The following ABR variants were observed in gnomAD, a reference collection of about 807,000 sequenced individuals.
The protein encoded by ABR is ABR activator of RhoGEF and GTPase.
In ABR, 35 loss-of-function variants were observed where a neutral mutation model predicts 107.2. The ratio of observed to expected loss-of-function variants is 0.33; its 90% CI spans 0.25 to 0.43. ABR has a LOEUF of 0.43. ABR is among the 20% of genes least tolerant of loss of function. The pLI is 1.00. For missense variants in ABR, 815 were observed against 1,115.2 expected (o/e 0.73, Z 3.83); for synonymous variants, 498 against 462.0 (o/e 1.08, Z -1.00).
chr17:1,050,898 C>T lies in ABR; in HGVS notation c.1562-264G>A, dbSNP rs1266627813. On this transcript the variant is annotated intron_variant, in intron 14 of 22. Transcript: ENST00000302538. The surrounding 1 kb of genome is among the most constrained non-coding windows in gnomAD (Gnocchi z 4.6). The stretch of plus-strand genomic sequence containing the variant: ...TCCCCACACTCTGCCCTTCCCACCT[C>T]GGCCCTCCCCACACTCTGCCCTTCC... Among the ~76,000 whole-genome samples, 5 of 147,404 alleles carry T rather than the reference C, an allele frequency of 3.4e-5. No individual in the cohort carries two copies. The highest frequency in any genetic ancestry group is 5.4e-5 in the African/African-American group (2 of 37,280).
At position 1,179,045 on chromosome 17, in the gene ABR, G is replaced by C. The variant is rs1207614858; in HGVS notation, c.61+622C>G. ...GAGGGTGGTGGTGATGATGAGGGTG[G>C]GGGTGGTGATGAGGCTGGCAGGAAA... On this transcript the variant is annotated intron_variant, in intron 1 of 22. Transcript: ENST00000302538. This position sits in a 1 kb window ranked among gnomAD's most constrained non-coding sequence, Gnocchi z 4.9. Among the ~76,000 whole-genome samples, 2 of 151,832 alleles carry C rather than the reference G, an allele frequency of 1.3e-5. No individual in the cohort carries two copies. Among genetic ancestry groups the C allele is most frequent in the Non-Finnish European group, 2.9e-5 (2 of 67,920 alleles).
chr17:1,049,042 T>C (rs2032109580), intron 16 of ABR, among the ~76,000 whole-genome samples: 1 of 152,138 alleles, frequency 6.6e-6, no homozygotes, highest in South Asian at 2.1e-4. Context: ...AGCCTACTTC[T>C]CTTAATAGGT....
intron 5 of ABR, among the ~76,000 whole-genome samples, chr17:1,080,253 G>A (rs2036121205): frequency 6.6e-6 from 1 of 152,076 alleles, no homozygotes; most frequent in Non-Finnish European, 1.5e-5. Context: ...ACCCACCACT[G>A]CCCATGCTGG....
intron 1 of ABR, among the ~76,000 whole-genome samples, chr17:1,206,770 A>G (rs1598125931): frequency 6.6e-6 from 1 of 152,040 alleles, no homozygotes; most frequent in Non-Finnish European, 1.5e-5. Context: ...GAAATTTGTG[A>G]AACTCCATCT....
chr17:1,105,284 G>C (rs1597828062), intron 2 of ABR, among the ~76,000 whole-genome samples: 1 of 152,032 alleles, frequency 6.6e-6, no homozygotes, highest in East Asian at 1.9e-4. Flanking sequence ...TGGGATTACA[G>C]GCATGAGCCA....
intron 21 of ABR, among the ~76,000 whole-genome samples, chr17:1,008,009 C>G (rs1056680507): frequency 6.6e-6 from 1 of 152,194 alleles, no homozygotes; most frequent in Non-Finnish European, 1.5e-5. Flanking sequence ...GAAAGGTCGG[C>G]CTCGTGGGAC....
intron 1 of ABR, chr17:1,125,798 G>A (rs2039574509): frequency 4.9e-6 from 1 of 202,454 alleles, no homozygotes; most frequent in African/African-American, 2.3e-5. Flanking sequence ...GTCACTTCCT[G>A]TGGCCCTCCT....
chr17:1,155,653 A>G (rs2041009924), intron 1 of ABR, among the ~76,000 whole-genome samples: 1 of 152,166 alleles, frequency 6.6e-6, no homozygotes, highest in Non-Finnish European at 1.5e-5. Flanking sequence ...TATTTTAAAA[A>G]TCTTACAACT....
chr17:1,022,120 A>ACAAAAAAAAAAAAC (rs534389079), intron 16 of ABR, among the ~76,000 whole-genome samples: 3 of 118,388 alleles, frequency 2.5e-5, no homozygotes, highest in Non-Finnish European at 3.3e-5. Flanking sequence ...AAAAAAAAAA[A>ACAAAAAAAAAAAAC]AAAAACAGAA....
At chr17:1,122,491 G>A (rs962237562) in intron 2 of ABR, among the ~76,000 whole-genome samples, 3 of 152,164 alleles carry the variant, frequency 2.0e-5, no homozygotes, top group African/African-American at 4.8e-5. Flanking sequence ...AGCTCCTCTC[G>A]CCTGACTACC....
At chr17:1,229,318 C>G (rs1315585013) in exon 1 of ABR, among the ~76,000 whole-genome samples, 1 of 149,844 alleles carries the variant, frequency 6.7e-6, no homozygotes, top group East Asian at 2.0e-4. Flanking sequence ...GCCCCGGGCC[C>G]GGCGGGCAGG....
rs2072260237 is a variant in ABR, at chr17:1,027,101, T to A, written c.1792-13937A>T. Among the ~76,000 whole-genome samples the A allele has an allele frequency of 6.6e-6, 1 of 152,062 alleles. No individual in the cohort carries two copies. The highest frequency in any genetic ancestry group is 1.5e-5 in the Non-Finnish European group (1 of 67,980). Reference sequence around the variant, plus strand: ...GCAGGCTTGGGGGCTCCTTCCAAAATGTCTGGGGCCTCATTGCCTCTGGGT... The same window carrying A: ...GCAGGCTTGGGGGCTCCTTCCAAAAAGTCTGGGGCCTCATTGCCTCTGGGT... On this transcript the variant is annotated intron_variant, in intron 16 of 22. Coordinates refer to ENST00000302538, the MANE Select transcript of ABR (RefSeq NM_021962.5). The surrounding 1 kb of genome is among the most constrained non-coding windows in gnomAD (Gnocchi z 4.7).
At chr17:1,061,673 T>A (rs2440754) in intron 10 of ABR, among the ~76,000 whole-genome samples, 3 of 152,086 alleles carry the variant, frequency 2.0e-5, no homozygotes, top group South Asian at 4.2e-4. Flanking sequence ...CAGCCTCCCA[T>A]GTGGCTGGGA....
rs1353138166 is a variant in ABR at position 1,009,913 on chromosome 17, CAG to C, written c.2237-131_2237-130del. ...CCAGGCCTTTGGGGAGCAGACCCCA[CAG>C]GGGAGGGCCTGGTGTCTGGGTGGGC... On this transcript the variant is annotated intron_variant, in intron 20 of 22. Coordinates refer to ENST00000302538, the MANE Select transcript of ABR (RefSeq NM_021962.5). 7 of 755,848 alleles carry C rather than the reference CAG, an allele frequency of 9.3e-6. No individual in the cohort carries two copies. The Admixed American group carries it at 1.6e-4, about 17-fold the overall frequency. 46.8% of individuals were successfully genotyped at this position (755,848 alleles called of 1,614,324 possible).
In ABR at chr17:1,013,179, T is replaced by G; in HGVS notation, c.1792-15A>C. 3 of 1,613,828 alleles carry G rather than the reference T, an allele frequency of 1.9e-6. No homozygotes were observed. Among genetic ancestry groups the G allele is most frequent in the Non-Finnish European group, 2.5e-6 (3 of 1,179,742 alleles). The stretch of plus-strand genomic sequence containing the variant: ...TGTGGGTCCAGCTGCAGAGAGAGAA[T>G]GTGGGTGAGAGAGGTGCCAGCTCGG... On this transcript the variant is annotated splice_polypyrimidine_tract_variant and intron_variant, in intron 16 of 22. Transcript: ENST00000302538.
In ABR at chr17:1,078,073, A is replaced by C. The variant is rs1028017094; in HGVS notation, c.700+1257T>G. Among the ~76,000 whole-genome samples, 2 of 151,660 alleles carry C rather than the reference A, an allele frequency of 1.3e-5. No individual in the cohort carries two copies. Among genetic ancestry groups the C allele is most frequent in the East Asian group, 2.0e-4 (1 of 4,954 alleles). ...CCAGCCAGCTGCGGGAGCTGCAAGG[A>C]GGATGGTCCGGGTCCCTTCCACCGA... On this transcript the variant is annotated intron_variant, in intron 6 of 22. Transcript: ENST00000302538. This position sits in a 1 kb window ranked among gnomAD's most constrained non-coding sequence, Gnocchi z 7.5.
intron 1 of ABR, among the ~76,000 whole-genome samples, chr17:1,211,750 C>T (rs1397347609): frequency 6.6e-6 from 1 of 152,158 alleles, no homozygotes; most frequent in East Asian, 1.9e-4. Context: ...TGGTATCTGC[C>T]TTCAGCAATG....
intron 16 of ABR, among the ~76,000 whole-genome samples, chr17:1,015,678 G>A (rs1159832539): frequency 3.3e-5 from 5 of 151,858 alleles, no homozygotes; most frequent in Non-Finnish European, 7.4e-5. Context: ...GGCTGATCTC[G>A]AACTCCCGAC....
Position 1,084,600 on chromosome 17 carries a change from G to A in ABR, c.532-973C>T, listed in dbSNP as rs757319927. ...ACCCCATCGCCCCTTTCTGCAAAAG[G>A]GGAAACCGAGGCTCCATAAGTCAAT... On this transcript the variant is annotated intron_variant, in intron 4 of 22. Transcript: ENST00000302538. The surrounding 1 kb of genome is among the most constrained non-coding windows in gnomAD (Gnocchi z 4.2). 6.6e-6 allele frequency among the ~76,000 whole-genome samples: 1 copy of A among 152,142 alleles called. No individual in the cohort carries two copies. The highest frequency in any genetic ancestry group is 1.5e-5 in the Non-Finnish European group (1 of 68,040).
Sources: allele counts gnomAD v4.1 joint callset (sites outside exome capture counted in the v4.1 genomes callset), GRCh38; gene constraint gnomAD v4.1.1; non-coding constraint Gnocchi (gnomAD v3.1); transcripts MANE v1.5; gene names NCBI Gene and HGNC (gene_info 2026-07-23, HGNC 2026-07-21).